Variants in SV2B observed in about 807,000 individuals in gnomAD.
The protein encoded by SV2B is synaptic vesicle glycoprotein 2B.
Under a neutral mutation model 73.9 loss-of-function variants are expected in SV2B, and 41 were observed. That is an observed-to-expected ratio of 0.56 (90% CI 0.43 to 0.72). The LOEUF is 0.72. Ranked by LOEUF, SV2B falls within the 30% of genes least tolerant of loss-of-function variation. The pLI is 0.00. For missense variants in SV2B, 764 were observed against 857.8 expected (o/e 0.89, Z 1.37); for synonymous variants, 314 against 314.2 (o/e 1.00, Z 0.01).
At chr15:91,187,036 A>C (rs1193228938) in intron 1 of SV2B, among the ~76,000 whole-genome samples, 2 of 152,230 alleles carry the variant, frequency 1.3e-5, no homozygotes, top group Admixed American at 1.3e-4. Context: ...AACATGCTCC[A>C]TTCTTATCAT....
chr15:91,159,729 A>T (rs2043642883), intron 1 of SV2B, among the ~76,000 whole-genome samples: 1 of 152,212 alleles, frequency 6.6e-6, no homozygotes, highest in Admixed American at 6.5e-5. Flanking sequence ...AAATGATTTG[A>T]CTATAAATAT....
rs554837747 is a variant in SV2B, at chr15:91,252,833, G to T, written c.784+313G>T. On this transcript the variant is annotated intron_variant, in intron 4 of 12. Coordinates refer to ENST00000394232, the MANE Select transcript of SV2B (RefSeq NM_001323032.3). The surrounding 1 kb of genome is among the most constrained non-coding windows in gnomAD (Gnocchi z 4.6). ...ATAATTTCAACCTTCATCTCCTCCA[G>T]CCCTCCTCCCCCTGAGCAACTTGGG... 1.3e-5 allele frequency among the ~76,000 whole-genome samples: 2 copies of T among 151,222 alleles called. No homozygotes were observed. Among genetic ancestry groups the T allele is most frequent in the African/African-American group, 4.9e-5 (2 of 41,086 alleles).
At chr15:91,192,150 T>A (rs376149483) in intron 1 of SV2B, among the ~76,000 whole-genome samples, 277 of 152,304 alleles carry the variant, frequency 1.8e-3, no homozygotes, top group African/African-American at 6.2e-3. Context: ...ATAAACCTTG[T>A]TAACATATTT....
intron 4 of SV2B, among the ~76,000 whole-genome samples, chr15:91,255,645 C>G (rs1299379791): frequency 1.3e-5 from 2 of 152,178 alleles, no homozygotes; most frequent in Non-Finnish European, 1.5e-5. Flanking sequence ...AATTATTTTA[C>G]CCCAAATGGA....
intron 1 of SV2B, among the ~76,000 whole-genome samples, chr15:91,160,205 G>C (rs2043662088): frequency 6.6e-6 from 1 of 152,118 alleles, no homozygotes; most frequent in East Asian, 1.9e-4. Context: ...GGAAAGGTGG[G>C]GAGCTGACAA....
intron 1 of SV2B, among the ~76,000 whole-genome samples, chr15:91,179,469 A>G (rs1382390425): frequency 6.6e-6 from 1 of 152,046 alleles, no homozygotes; most frequent in Non-Finnish European, 1.5e-5. Context: ...TGTCTCGTTG[A>G]TCTGTCTAAT....
chr15:91,272,441 A>T (rs554919171), intron 9 of SV2B, among the ~76,000 whole-genome samples: 1 of 152,146 alleles, frequency 6.6e-6, no homozygotes, highest in Non-Finnish European at 1.5e-5. Context: ...CTTTCTGCAC[A>T]TCAGGGAGAG....
At chr15:91,203,763 T>C (rs1334487965) in intron 1 of SV2B, among the ~76,000 whole-genome samples, 1 of 152,178 alleles carries the variant, frequency 6.6e-6, no homozygotes, top group South Asian at 2.1e-4. Flanking sequence ...TTTGTCAAGT[T>C]CCTGCGTGTT....
rs111713337 is a variant in SV2B, at chr15:91,141,806, A to C, written c.-392+41443A>C. 1.9e-4 allele frequency among the ~76,000 whole-genome samples: 29 copies of C among 151,868 alleles called. No individual in the cohort carries two copies. The highest frequency in any genetic ancestry group is 6.8e-4 in the African/African-American group (28 of 41,410). On this transcript the variant is annotated intron_variant, in intron 1 of 12. Coordinates refer to ENST00000394232, the MANE Select transcript of SV2B (RefSeq NM_001323032.3). This position sits in a 1 kb window ranked among gnomAD's most constrained non-coding sequence, Gnocchi z 4.6. ...ATCTTTTTCTGCTAATGGATATTAC[A>C]GAAAGTTACATTCAGAGAGTTAGAT...
intron 1 of SV2B, among the ~76,000 whole-genome samples, chr15:91,160,334 G>T (rs2043667239): frequency 1.3e-5 from 2 of 152,160 alleles, no homozygotes; most frequent in South Asian, 4.1e-4. Flanking sequence ...GCATAGGTTG[G>T]GCAGTGGCTC....
intron 1 of SV2B, among the ~76,000 whole-genome samples, chr15:91,178,750 A>T (rs1197281119): frequency 6.7e-6 from 1 of 148,390 alleles, no homozygotes; most frequent in Non-Finnish European, 1.5e-5. Context: ...CCCCTTTATC[A>T]TTTTTTATTG....
At chr15:91,198,971 T>C (rs781650175) in intron 1 of SV2B, among the ~76,000 whole-genome samples, 5 of 152,194 alleles carry the variant, frequency 3.3e-5, no homozygotes, top group Non-Finnish European at 7.3e-5. Context: ...TATTATCGAA[T>C]ATTATAAAAT....
intron 12 of SV2B, 82 bp from the exon 13 acceptor site, chr15:91,292,287 G>T: frequency 7.2e-7 from 1 of 1,394,542 alleles, no homozygotes; most frequent in South Asian, 1.4e-5. Flanking sequence ...TCTTCCCCCT[G>T]CAATAAGGAA....
rs2141690628 is a variant in SV2B at position 91,268,571 on chromosome 15, C to G, written c.1339C>G (p.Gln447Glu). ...GATINFTMEN[Q>E]IHQHGKLVND... The stretch of plus-strand genomic sequence containing the variant: ...CACAATCAACTTCACGATGGAAAAT[C>G]AGATCCACCAACATGGGAAACTTGT... The change falls in exon 9 of 13, where the codon CAG becomes GAG. Residue 447 changes from glutamine (Q) to glutamate (E), a missense_variant. Gln to Glu is a conservative substitution (Grantham distance 29). Coordinates refer to ENST00000394232, the MANE Select transcript of SV2B (RefSeq NM_001323032.3). The surrounding 1 kb of genome is among the most constrained non-coding windows in gnomAD (Gnocchi z 4.4). The G allele has an allele frequency of 6.2e-7, 1 of 1,613,598 alleles. No individual in the cohort carries two copies. Among genetic ancestry groups the G allele is most frequent in the Non-Finnish European group, 8.5e-7 (1 of 1,179,562 alleles).
At chr15:91,175,167 C>G (rs2044258237) in intron 1 of SV2B, among the ~76,000 whole-genome samples, 1 of 152,034 alleles carries the variant, frequency 6.6e-6, no homozygotes, top group East Asian at 1.9e-4. Flanking sequence ...CTTTTCCCCA[C>G]TAATAAAAAA....
rs1222009568 is a variant in SV2B, at chr15:91,214,860, C to T, written c.-391-11013C>T. 1.3e-5 allele frequency among the ~76,000 whole-genome samples: 2 copies of T among 152,194 alleles called. No homozygotes were observed. Among genetic ancestry groups the T allele is most frequent in the Non-Finnish European group, 2.9e-5 (2 of 68,040 alleles). ...TCGTTCTTTCTGCTCCTCAATGCTGCCTTCAGGAGCAAGCCTTCTGCCATC... is the reference window on the plus strand; with the variant it reads ...TCGTTCTTTCTGCTCCTCAATGCTGTCTTCAGGAGCAAGCCTTCTGCCATC... On this transcript the variant is annotated intron_variant, in intron 1 of 12. Coordinates refer to ENST00000394232, the MANE Select transcript of SV2B (RefSeq NM_001323032.3). This position sits in a 1 kb window ranked among gnomAD's most constrained non-coding sequence, Gnocchi z 4.7.
rs992477760 is a variant in SV2B at position 91,136,011 on chromosome 15, C to T, written c.-392+35648C>T. On this transcript the variant is annotated intron_variant, in intron 1 of 12. Coordinates refer to ENST00000394232, the MANE Select transcript of SV2B (RefSeq NM_001323032.3). The surrounding 1 kb of genome is among the most constrained non-coding windows in gnomAD (Gnocchi z 5.6). Reference sequence around the variant, plus strand: ...CCCACTGCCTCTTCCCCAACACACACACTTGATTTTTTTTTTGGCATGTGT... The same window carrying T: ...CCCACTGCCTCTTCCCCAACACACATACTTGATTTTTTTTTTGGCATGTGT... Among the ~76,000 whole-genome samples, 3 of 152,008 alleles carry T rather than the reference C, an allele frequency of 2.0e-5. No individual in the cohort carries two copies. Among genetic ancestry groups the T allele is most frequent in the African/African-American group, 7.3e-5 (3 of 41,272 alleles).
rs953744525 is a variant in SV2B, at chr15:91,234,577, C to T, written c.451+7863C>T. On this transcript the variant is annotated intron_variant, in intron 2 of 12. Coordinates refer to ENST00000394232, the MANE Select transcript of SV2B (RefSeq NM_001323032.3). The surrounding 1 kb of genome is among the most constrained non-coding windows in gnomAD (Gnocchi z 5.6). ...AGAAATGAAATAAATAGGAGGTCTA[C>T]TAAACTCTTACTTGATCTGTATAAG... Among the ~76,000 whole-genome samples the T allele has an allele frequency of 1.3e-5, 2 of 152,132 alleles. No homozygotes were observed. Among genetic ancestry groups the T allele is most frequent in the African/African-American group, 4.8e-5 (2 of 41,424 alleles).
chr15:91,257,225 T>G (rs1347452065), intron 4 of SV2B, among the ~76,000 whole-genome samples: 1 of 152,180 alleles, frequency 6.6e-6, no homozygotes, highest in Non-Finnish European at 1.5e-5. Context: ...CAATGTACTC[T>G]CAAAGCAGGT....
Sources: gnomAD v4.1 joint callset for allele counts (sites outside exome capture counted in the v4.1 genomes callset) on GRCh38, gnomAD v4.1.1 for gene constraint, Gnocchi (gnomAD v3.1) non-coding constraint, MANE v1.5 for transcripts, NCBI Gene and HGNC (gene_info 2026-07-23, HGNC 2026-07-21) for gene names.